Variants in ADAMTS15 observed in about 807,000 individuals in gnomAD.
The protein encoded by ADAMTS15 is ADAM metallopeptidase with thrombospondin type 1 motif 15.
A neutral mutation model predicts 79.1 loss-of-function variants in ADAMTS15; 35 were observed. The observed-to-expected ratio is 0.44, with a 90% CI of 0.34 to 0.59. The LOEUF (loss-of-function observed/expected upper bound fraction) is 0.59. ADAMTS15 is among the 20% of genes least tolerant of loss of function. The pLI, the probability that ADAMTS15 is intolerant of heterozygous loss-of-function variation, is 0.02. For missense variants in ADAMTS15, 1,324 were observed against 1,318.7 expected, an observed-to-expected ratio of 1.00 and a Z score of -0.06; for synonymous variants, 616 against 567.3, an observed-to-expected ratio of 1.09 and a Z score of -1.22.
chr11:130,453,114 C>A (rs1337344853), intron 1 of ADAMTS15, among the ~76,000 whole-genome samples: 1 of 152,150 alleles, frequency 6.6e-6, no homozygotes, highest in African/African-American at 2.4e-5. Flanking sequence ...GAGGGGCGTT[C>A]TCCTGAATGC....
At chr11:130,470,140 A>ATATATATATGTGTATATATATATG (rs1938396396) in intron 5 of ADAMTS15, among the ~76,000 whole-genome samples, 1 of 65,696 alleles carries the variant, frequency 1.5e-5, no homozygotes, top group African/African-American at 8.3e-5. Context: ...ATACATATAT[A>ATATATATATGTGTATATATATATG]TATATATATA....
At chr11:130,456,364 C>T (rs1174017401) in intron 1 of ADAMTS15, among the ~76,000 whole-genome samples, 1 of 152,008 alleles carries the variant, frequency 6.6e-6, no homozygotes, top group Non-Finnish European at 1.5e-5. Context: ...TTTTGGTGAC[C>T]TCACTCTCTT....
intron 1 of ADAMTS15, among the ~76,000 whole-genome samples, chr11:130,454,164 A>T (rs576416186): frequency 6.6e-6 from 1 of 152,160 alleles, no homozygotes; most frequent in East Asian, 1.9e-4. Context: ...ATATCATTTG[A>T]TGCCACCTCT....
intron 5 of ADAMTS15, among the ~76,000 whole-genome samples, chr11:130,470,164 A>ATATATGTATGTG (rs1565397698): frequency 1.7e-5 from 1 of 58,248 alleles, no homozygotes; most frequent in Non-Finnish European, 3.2e-5. Context: ...GTATATATAT[A>ATATATGTATGTG]TATATATATA....
chr11:130,470,422 C>T (rs905965288), intron 5 of ADAMTS15, among the ~76,000 whole-genome samples: 4 of 151,140 alleles, frequency 2.6e-5, no homozygotes, highest in South Asian at 2.1e-4. Context: ...TCACCATGTT[C>T]GTGAGGCTGG....
intron 1 of ADAMTS15, among the ~76,000 whole-genome samples, chr11:130,460,050 GCA>G (rs1158749204): frequency 6.6e-6 from 1 of 152,180 alleles, no homozygotes; most frequent in Non-Finnish European, 1.5e-5. Context: ...CAAAGTGCAT[GCA>G]CAGTGTCAGC....
chr11:130,469,164 T>G, intron 4 of ADAMTS15, 98 bp from the exon 5 acceptor site: 14 of 1,129,328 alleles, frequency 1.2e-5, no homozygotes, highest in South Asian at 3.4e-5. Flanking sequence ...GAAGGTGGGA[T>G]GAGAACTTGG....
Position 130,449,967 on chromosome 11 carries a change from C to A in ADAMTS15, c.957+37C>A. ...TGCCGTCACTTTGCACCCAGATAGTCCCGTTCTTTAGGGTCACCTCCCCTA... is the reference window on the plus strand; with the variant it reads ...TGCCGTCACTTTGCACCCAGATAGTACCGTTCTTTAGGGTCACCTCCCCTA... On this transcript the variant is annotated intron_variant, in intron 1 of 7. Coordinates refer to ENST00000299164, the MANE Select transcript of ADAMTS15 (RefSeq NM_139055.4). This position sits in a 1 kb window ranked among gnomAD's most constrained non-coding sequence, Gnocchi z 7.8. 6.3e-7 allele frequency: 1 copy of A among 1,585,604 alleles called. No homozygotes were observed. The highest frequency in any genetic ancestry group is 1.1e-5 in the South Asian group (1 of 89,468).
chr11:130,470,582 A>G (rs780398976), intron 5 of ADAMTS15, among the ~76,000 whole-genome samples: 6 of 152,106 alleles, frequency 3.9e-5, no homozygotes, highest in East Asian at 3.9e-4. Context: ...AAATATATCG[A>G]TAGTTGTATA....
At chr11:130,460,173 A>G (rs147527844) in intron 1 of ADAMTS15, among the ~76,000 whole-genome samples, 147 of 152,322 alleles carry the variant, frequency 9.7e-4, no homozygotes, top group Non-Finnish European at 1.9e-3. Flanking sequence ...GGATTAAATG[A>G]GGTGACACAT....
chr11:130,473,182 C>A lies in ADAMTS15; in HGVS notation c.2214C>A (p.Asn738Lys), dbSNP rs374831999. ...LKNSQGKYLLNGHFVVSAVER... is the reference protein window; with the variant it reads ...LKNSQGKYLLKGHFVVSAVER... ...ACAGCCAAGGCAAGTACCTGCTCAA[C>A]GGGCATTTCGTGGTGTCGGCGGTGG... The change falls in exon 8 of 8, where the codon AAC becomes AAA. Residue 738 changes from asparagine (N) to lysine (K), a missense_variant. Transcript: ENST00000299164. 2 of 1,614,104 alleles carry A rather than the reference C, an allele frequency of 1.2e-6. No individual in the cohort carries two copies. Among genetic ancestry groups the A allele is most frequent in the South Asian group, 2.2e-5 (2 of 91,088 alleles).
Position 130,469,325 on chromosome 11 carries a change from G to A in ADAMTS15, c.1606G>A (p.Val536Met), listed in dbSNP as rs149341964. The change falls in exon 5 of 8, where the codon GTG becomes ATG. Residue 536 changes from valine (V) to methionine (M), a missense_variant. Transcript: ENST00000299164. Reference protein sequence around the residue: ...GPCSRTCGGGVQLARRQCTNP... With the variant: ...GPCSRTCGGGMQLARRQCTNP... ...CTGCTCGCGCACATGTGGTGGGGGCGTGCAGCTGGCCAGGAGGCAGTGCAC... is the reference window on the plus strand; with the variant it reads ...CTGCTCGCGCACATGTGGTGGGGGCATGCAGCTGGCCAGGAGGCAGTGCAC... 3,944 of 1,388,708 alleles carry A rather than the reference G, an allele frequency of 2.8e-3. 17 individuals are homozygous for A. Among genetic ancestry groups the A allele is most frequent in the Non-Finnish European group, 3.2e-3 (3,384 of 1,065,400 alleles). 86.0% of individuals were successfully genotyped at this position (1,388,708 alleles called of 1,614,324 possible). A position where few individuals can be genotyped will look rare whatever the true frequency, so the allele number is the denominator to read the frequency against.
intron 5 of ADAMTS15, among the ~76,000 whole-genome samples, chr11:130,470,154 GTATA>G (rs869166777): frequency 0.079 from 4,349 of 55,056 alleles, 207 homozygotes; most frequent in East Asian, 0.11. Flanking sequence ...ATATATATGT[GTATA>G]TATATATATA....
At chr11:130,465,133 C>T (rs1304697224) in intron 4 of ADAMTS15, among the ~76,000 whole-genome samples, 1 of 152,180 alleles carries the variant, frequency 6.6e-6, no homozygotes, top group African/African-American at 2.4e-5. Context: ...CCTCTCTCCT[C>T]CCATTACTAA....
intron 1 of ADAMTS15, among the ~76,000 whole-genome samples, chr11:130,451,840 T>C (rs1264371783): frequency 6.6e-6 from 1 of 152,094 alleles, no homozygotes; most frequent in African/African-American, 2.4e-5. Flanking sequence ...TATTTCTCAG[T>C]GGTGTGTGCT....
chr11:130,467,580 G>A (rs1454195308), intron 4 of ADAMTS15, among the ~76,000 whole-genome samples: 1 of 152,148 alleles, frequency 6.6e-6, no homozygotes, highest in African/African-American at 2.4e-5. Context: ...TTAGTTCCAT[G>A]TGAGTTAGGC....
In ADAMTS15 at chr11:130,468,494, G is replaced by A. The variant is rs569861198; in HGVS notation, c.1543-768G>A. ...AAAAATACAAAATAAGGCCGGGCGC[G>A]GTGGCTCAAGCCTGTAATCCCAGCA... is the stretch of plus-strand genomic sequence containing the variant. On this transcript the variant is annotated intron_variant, in intron 4 of 7. Coordinates refer to ENST00000299164, the MANE Select transcript of ADAMTS15 (RefSeq NM_139055.4). Among the ~76,000 whole-genome samples, 357 of 152,092 alleles carry A rather than the reference G, an allele frequency of 2.3e-3. 1 individual carries two copies. Among genetic ancestry groups the A allele is most frequent in the Non-Finnish European group, 4.2e-3 (288 of 67,998 alleles).
rs376372695 is a variant in ADAMTS15, at chr11:130,462,541, G to A, written c.1303G>A (p.Glu435Lys). ...DQPSKPISLP[E>K]DLPGASYTLS... The stretch of plus-strand genomic sequence containing the variant: ...ACCCAGCAAGCCCATCTCCCTGCCC[G>A]AGGATCTGCCGGGCGCCAGCTACAC... The change falls in exon 4 of 8, where the codon GAG becomes AAG. Residue 435 changes from glutamate to lysine, a missense_variant. By Grantham distance (56) the Glu-to-Lys change is moderately conservative (BLOSUM62 1). Coordinates refer to ENST00000299164, the MANE Select transcript of ADAMTS15 (RefSeq NM_139055.4). The surrounding 1 kb of genome is among the most constrained non-coding windows in gnomAD (Gnocchi z 4.3). 7.5e-6 allele frequency: 12 copies of A among 1,610,528 alleles called. No individual in the cohort carries two copies. The highest frequency in any genetic ancestry group is 5.3e-5 in the African/African-American group (4 of 75,016).
intron 1 of ADAMTS15, among the ~76,000 whole-genome samples, chr11:130,453,642 A>C (rs1938014240): frequency 6.6e-6 from 1 of 151,974 alleles, no homozygotes. Context: ...AACCAGGCTG[A>C]TCTTGAACTC....
Sources: allele counts gnomAD v4.1 joint callset (sites outside exome capture counted in the v4.1 genomes callset), GRCh38; gene constraint gnomAD v4.1.1; non-coding constraint Gnocchi (gnomAD v3.1); transcripts MANE v1.5; gene names NCBI Gene and HGNC (gene_info 2026-07-23, HGNC 2026-07-21).